Variants in ASB11 observed in about 807,000 individuals in gnomAD.
ASB11 encodes ankyrin repeat and SOCS box protein 11.
A neutral mutation model predicts 20.1 loss-of-function variants in ASB11; 17 were observed. The observed-to-expected ratio is 0.85, with a 90% CI of 0.58 to 1.27. The LOEUF (loss-of-function observed/expected upper bound fraction) is 1.27. Ranked by LOEUF, ASB11 falls within the 50% of genes most tolerant of loss-of-function variation. The pLI is 0.00. For synonymous variants in ASB11, 107 were observed against 105.6 expected (o/e 1.01, Z -0.08); for missense variants, 259 against 256.9 (o/e 1.01, Z -0.06).
At chrX:15,293,725 C>T (rs775629062) in intron 3 of ASB11, among the ~76,000 whole-genome samples, 1 of 111,497 alleles carries the variant, frequency 9.0e-6, no homozygotes, top group South Asian at 3.8e-4. Flanking sequence ...CTACTATAAT[C>T]CATGCAAATT....
At chrX:15,302,660 C>T in intron 2 of ASB11, 68 bp downstream of exon 2, 1 of 1,085,007 alleles carries the variant, frequency 9.2e-7, no homozygotes, top group Non-Finnish European at 1.3e-6. Flanking sequence ...CTGCTACAGC[C>T]AAAGCTAATA....
intron 3 of ASB11, among the ~76,000 whole-genome samples, chrX:15,297,025 G>A (rs938034776): frequency 4.4e-5 from 5 of 112,666 alleles, no homozygotes; most frequent in Non-Finnish European, 9.4e-5. Flanking sequence ...CGGGCGCGGT[G>A]GCTCACGCCT....
intron 6 of ASB11, among the ~76,000 whole-genome samples, chrX:15,286,567 A>G (rs760517409): frequency 9.4e-6 from 1 of 106,238 alleles, no homozygotes; most frequent in South Asian, 4.4e-4. Context: ...CAGGAGGCTG[A>G]GGCAGAAAAA....
intron 1 of ASB11, among the ~76,000 whole-genome samples, chrX:15,312,255 A>G (rs906490033): frequency 9.1e-6 from 1 of 109,518 alleles, no homozygotes; most frequent in Non-Finnish European, 1.9e-5. Flanking sequence ...TACATATAAT[A>G]GACAAAATAA....
rs376817491 is a variant in ASB11, at chrX:15,315,406, C to G, written c.181+19G>C. On this transcript the variant is annotated intron_variant, in intron 1 of 6. Coordinates refer to ENST00000480796, the MANE Select transcript of ASB11 (RefSeq NM_080873.3). ...AGGGATTTTCTTTAAATATTAGGAA[C>G]AAATTCATGTACTTTTACCTGAAAT... The G allele has an allele frequency of 9.4e-7, 1 of 1,058,564 alleles. No individual in the cohort carries two copies. The allele number at this position is 1,058,564 out of a possible 1,213,427, so 87.2% of individuals were successfully genotyped here.
In ASB11 at chrX:15,293,299, C is replaced by T. The variant is rs377462580; in HGVS notation, c.391G>A (p.Gly131Arg). ...GAHVNGVTVH[G>R]ATPLFNACCS... ...CAAGCATTGAAGAGGGGTGTGGCTCCGTGAACTGTCACTCCATTGACCTAA... is the reference window on the plus strand; with the variant it reads ...CAAGCATTGAAGAGGGGTGTGGCTCTGTGAACTGTCACTCCATTGACCTAA... Residue 131 changes from glycine to arginine, a missense_variant, in exon 4 of 7, where the codon GGA becomes AGA. Gly to Arg is a moderately radical substitution (Grantham distance 125). Transcript: ENST00000480796. 2.6e-5 allele frequency: 31 copies of T among 1,207,313 alleles called. No homozygotes were observed. The African/African-American group carries it at 2.8e-4, about 11-fold the overall frequency.
At chrX:15,286,006 A>AAAT (rs764406635) in intron 6 of ASB11, among the ~76,000 whole-genome samples, 20 of 109,198 alleles carry the variant, frequency 1.8e-4, no homozygotes, top group East Asian at 1.7e-3. Flanking sequence ...ACTCCGTCTA[A>AAAT]AATAATAATA....
At position 15,315,414 on chromosome X, in the gene ASB11, T is replaced by C; in HGVS notation, c.181+11A>G. 2.8e-6 allele frequency: 3 copies of C among 1,071,534 alleles called. No homozygotes were observed. The highest frequency in any genetic ancestry group is 3.0e-5 in the South Asian group (1 of 33,779). The allele number at this position is 1,071,534 out of a possible 1,213,427, so 88.3% of individuals were successfully genotyped here. The stretch of plus-strand genomic sequence containing the variant: ...TCTTTAAATATTAGGAACAAATTCA[T>C]GTACTTTTACCTGAAATTCCACCAT... On this transcript the variant is annotated intron_variant, in intron 1 of 6. Transcript: ENST00000480796.
chrX:15,302,832 T>A, intron 1 of ASB11, 25 bp from the exon 2 acceptor site: 1 of 1,182,471 alleles, frequency 8.5e-7, no homozygotes, highest in Middle Eastern at 2.7e-4. Context: ...AAGCTCAAAG[T>A]CAAGGCCTGG....
chrX:15,313,889 A>G (rs929811638), intron 1 of ASB11, among the ~76,000 whole-genome samples: 25 of 110,048 alleles, frequency 2.3e-4, no homozygotes, highest in African/African-American at 7.3e-4. Flanking sequence ...GTCTCTACTA[A>G]AAATACAAAA....
Position 15,284,122 on chromosome X carries a change from G to C in ASB11, c.848-493C>G, listed in dbSNP as rs772039757. Among the ~76,000 whole-genome samples the C allele has an allele frequency of 1.4e-3, 152 of 106,187 alleles. 2 individuals are homozygous for C. Among genetic ancestry groups the C allele is most frequent in the African/African-American group, 5.2e-3 (147 of 28,055 alleles). 92.2% of individuals were successfully genotyped at this position (106,187 alleles called of 115,157 possible). A position where few individuals can be genotyped will look rare whatever the true frequency, so the allele number is the denominator to read the frequency against. On this transcript the variant is annotated intron_variant, in intron 6 of 6. Transcript: ENST00000480796. ...AAAAAATTAGCCGGGTGTGGTGGCG[G>C]GTGCCTATAGTCCCAGCTACTCGGG...
At chrX:15,284,126 C>T (rs961968632) in intron 6 of ASB11, among the ~76,000 whole-genome samples, 11 of 106,766 alleles carry the variant, frequency 1.0e-4, no homozygotes, top group Non-Finnish European at 2.1e-4. Context: ...GTGGCGGGTG[C>T]CTATAGTCCC....
chrX:15,297,790 C>T (rs1920982201), intron 2 of ASB11, 109 bp from the exon 3 acceptor site: 3 of 696,207 alleles, frequency 4.3e-6, no homozygotes, highest in Admixed American at 5.7e-5. Context: ...CCTGCCTCAG[C>T]ATCCTGAGTA....
chrX:15,283,602 C>A lies in ASB11; in HGVS notation c.875G>T (p.Arg292Leu), dbSNP rs758714896. The A allele has an allele frequency of 4.1e-6, 5 of 1,205,241 alleles. No individual in the cohort carries two copies. The highest frequency in any genetic ancestry group is 2.3e-4 in the Middle Eastern group (1 of 4,355). Reference sequence around the variant, plus strand: ...ACCGAGACACTTCCGGACACACAGGCGGCAGAGCTGGGAAAGAGCAGGTGG... The same window carrying A: ...ACCGAGACACTTCCGGACACACAGGAGGCAGAGCTGGGAAAGAGCAGGTGG... Reference protein sequence around the residue: ...EGPPALSQLCRLCVRKCLGRA... With the variant: ...EGPPALSQLCLLCVRKCLGRA... Residue 292 changes from arginine (R) to leucine (L), a missense_variant, in exon 7 of 7, where the codon CGC becomes CTC. Coordinates refer to ENST00000480796, the MANE Select transcript of ASB11 (RefSeq NM_080873.3).
At chrX:15,288,862 G>A (rs1433456526) in intron 5 of ASB11, among the ~76,000 whole-genome samples, 1 of 109,974 alleles carries the variant, frequency 9.1e-6, no homozygotes, top group Non-Finnish European at 1.9e-5. Context: ...TCCAACCTGG[G>A]CAATAAGAGC....
At chrX:15,284,079 CGTG>C (rs1569167745) in intron 6 of ASB11, among the ~76,000 whole-genome samples, 11 of 105,590 alleles carry the variant, frequency 1.0e-4, no homozygotes, top group African/African-American at 3.9e-4. Flanking sequence ...GGTGAAACCC[CGTG>C]TCCACTAAAA....
chrX:15,314,292 C>T (rs1455546317), intron 1 of ASB11: 1 of 1,053,357 alleles, frequency 9.5e-7, no homozygotes, highest in East Asian at 3.3e-5. Context: ...GATAACTTTT[C>T]AGATCATGCT....
intron 1 of ASB11, among the ~76,000 whole-genome samples, chrX:15,311,706 T>G (rs1037298204): frequency 1.8e-5 from 2 of 111,426 alleles, no homozygotes; most frequent in Non-Finnish European, 3.8e-5. Context: ...ACGTCTTATC[T>G]GCACTTGTAA....
At chrX:15,304,264 T>C (rs1265469868) in intron 1 of ASB11, among the ~76,000 whole-genome samples, 1 of 111,980 alleles carries the variant, frequency 8.9e-6, no homozygotes, top group Non-Finnish European at 1.9e-5. Context: ...TGGATGAGAA[T>C]CAGGGTTAGA....
Sources: allele counts gnomAD v4.1 joint callset (sites outside exome capture counted in the v4.1 genomes callset), GRCh38; gene constraint gnomAD v4.1.1; transcripts MANE v1.5; gene names NCBI Gene and HGNC (gene_info 2026-07-23, HGNC 2026-07-21).